Variants in PDE8B observed in about 807,000 individuals in gnomAD.
PDE8B encodes high affinity cAMP-specific and IBMX-insensitive 3',5'-cyclic phosphodiesterase 8B.
A neutral mutation model predicts 101.3 loss-of-function variants in PDE8B; 26 were observed. That is an observed-to-expected ratio of 0.26 (90% CI 0.19 to 0.36). The LOEUF is 0.36. PDE8B is among the 10% of genes least tolerant of loss of function. The pLI is 1.00. For synonymous variants in PDE8B, 424 were observed against 429.3 expected, an observed-to-expected ratio of 0.99 and a Z score of 0.15; for missense variants, 810 against 1,163.1, an observed-to-expected ratio of 0.70 and a Z score of 4.42.
At position 77,397,026 on chromosome 5, in the gene PDE8B, A is replaced by ATTTTTTTTTTTTTTTTTTT. The variant is rs71606290; in HGVS notation, c.1168-3216_1168-3198dup. On this transcript the variant is annotated intron_variant, in intron 10 of 21. Coordinates refer to ENST00000264917, the MANE Select transcript of PDE8B (RefSeq NM_003719.5). ...TTGGTTTCTATATTTCCGATAAGAA[A>ATTTTTTTTTTTTTTTTTTT]TTTTTTTTTTTTTTTTTTTTTTTTG... Among the ~76,000 whole-genome samples, 37 of 84,398 alleles carry ATTTTTTTTTTTTTTTTTTT rather than the reference A, an allele frequency of 4.4e-4. 5 individuals carry two copies. The highest frequency in any genetic ancestry group is 1.9e-3 in the African/African-American group (34 of 18,226). The allele number at this position is 84,398 out of a possible 152,430, so 55.4% of individuals were successfully genotyped here. A position where few individuals can be genotyped will look rare whatever the true frequency, so the allele number is the denominator to read the frequency against.
At chr5:77,260,157 C>CAAAAAAAAAAAAAAAAAAAA (rs66923234) in intron 1 of PDE8B, among the ~76,000 whole-genome samples, 24 of 100,902 alleles carry the variant, frequency 2.4e-4, no homozygotes, top group South Asian at 3.4e-4. Flanking sequence ...AACTCCATCA[C>CAAAAAAAAAAAAAAAAAAAA]AAAAAAAAAA....
chr5:77,121,040 A>C, the PDE8B span, among the ~76,000 whole-genome samples: 1 of 152,344 alleles, frequency 6.6e-6, no homozygotes, highest in African/African-American at 2.4e-5. Context: ...GTATTGTGTT[A>C]GTTACTCATT....
intron 19 of PDE8B, among the ~76,000 whole-genome samples, chr5:77,420,842 T>C (rs1303023009): frequency 2.0e-5 from 3 of 152,178 alleles, no homozygotes; most frequent in African/African-American, 7.2e-5. Context: ...TACTATTAAC[T>C]GCAGTATTTA....
At chr5:77,343,937 G>A (rs1779690208) in intron 6 of PDE8B, among the ~76,000 whole-genome samples, 1 of 142,712 alleles carries the variant, frequency 7.0e-6, no homozygotes, top group South Asian at 2.2e-4. Flanking sequence ...ACTTTGGCTG[G>A]TGCCTACACA....
rs377194036 is a variant in PDE8B, at chr5:77,294,586, C to A, written c.340-17408C>A. Among the ~76,000 whole-genome samples the A allele has an allele frequency of 1.6e-3, 245 of 150,782 alleles. 1 individual carries two copies. The highest frequency in any genetic ancestry group is 5.7e-3 in the African/African-American group (235 of 41,078). On this transcript the variant is annotated intron_variant, in intron 1 of 21. Transcript: ENST00000264917. ...CAGGACGAATGCAAATTAAAAAAAA[C>A]ACAGGTTACATCATTAGACAACAGA...
rs1341801051 is a variant in PDE8B at position 77,376,817 on chromosome 5, T to A, written c.1167+23411T>A. 2.0e-5 allele frequency among the ~76,000 whole-genome samples: 3 copies of A among 152,298 alleles called. No homozygotes were observed. In the East Asian group the frequency reaches 5.8e-4, roughly 29 times the overall value. On this transcript the variant is annotated intron_variant, in intron 10 of 21. Transcript: ENST00000264917. ...GGGCCTGAGGATCAATTCTATCTTA[T>A]GCTAATCAAGTGCAAATGAAGGCCT...
At chr5:77,282,941 C>T (rs1039363342) in intron 1 of PDE8B, among the ~76,000 whole-genome samples, 1 of 151,932 alleles carries the variant, frequency 6.6e-6, no homozygotes, top group Non-Finnish European at 1.5e-5. Context: ...GGAGCACTCC[C>T]TGGGGCTACC....
chr5:77,292,744 A>T (rs10474493), intron 1 of PDE8B, among the ~76,000 whole-genome samples: 3 of 151,944 alleles, frequency 2.0e-5, no homozygotes, highest in African/African-American at 7.2e-5. Flanking sequence ...CTTAGTAGAG[A>T]TTCAAAAAAC....
At chr5:77,327,862 G>A (rs1478350442) in intron 3 of PDE8B, among the ~76,000 whole-genome samples, 6 of 152,078 alleles carry the variant, frequency 3.9e-5, no homozygotes, top group East Asian at 1.9e-4. Context: ...GATCATTTCC[G>A]GGAGCCTTCC....
At chr5:77,380,265 G>A (rs991931299) in intron 10 of PDE8B, among the ~76,000 whole-genome samples, 16 of 152,294 alleles carry the variant, frequency 1.1e-4, no homozygotes, top group East Asian at 7.7e-4. Flanking sequence ...TTGCAAATGT[G>A]TGTAAGAATA....
chr5:77,182,416 A>G, the PDE8B span, among the ~76,000 whole-genome samples: 2 of 152,166 alleles, frequency 1.3e-5, no homozygotes, highest in African/African-American at 4.8e-5. Context: ...AGGATCTCAC[A>G]TAGAAAGTCC....
intron 1 of PDE8B, among the ~76,000 whole-genome samples, chr5:77,212,998 T>C (rs1379089202): frequency 6.6e-6 from 1 of 152,212 alleles, no homozygotes; most frequent in Non-Finnish European, 1.5e-5. Flanking sequence ...AGTTTAGTAC[T>C]TGGCAACTCT....
chr5:77,087,360 A>G, the PDE8B span: 1 of 152,306 alleles, frequency 6.6e-6, no homozygotes, highest in Non-Finnish European at 1.5e-5. Context: ...TGTGTTGGCC[A>G]GGGTTTTAAG....
intron 10 of PDE8B, among the ~76,000 whole-genome samples, chr5:77,361,124 T>A (rs1783022374): frequency 6.6e-6 from 1 of 152,234 alleles, no homozygotes; most frequent in Non-Finnish European, 1.5e-5. Context: ...CATTTGTACG[T>A]CTGTTTTATC....
intron 1 of PDE8B, among the ~76,000 whole-genome samples, chr5:77,294,095 A>G (rs1018227398): frequency 6.6e-6 from 1 of 152,192 alleles, no homozygotes; most frequent in Non-Finnish European, 1.5e-5. Context: ...CCTGCTCTGT[A>G]GTATAATTTT....
Position 77,211,175 on chromosome 5 carries a change from GC to G in PDE8B, c.255del (p.Ala86ProfsTer27). On this transcript the variant is annotated frameshift_variant, in exon 1 of 22. Coordinates refer to ENST00000264917, the MANE Select transcript of PDE8B (RefSeq NM_003719.5). LOFTEE classifies it high-confidence loss of function. The surrounding 1 kb of genome is among the most constrained non-coding windows in gnomAD (Gnocchi z 4.1). Reference protein sequence around the residue: ...LGSGSSAGSAAPAATTSRGRR... With the variant: ...LGSGSSAGSAXPAATTSRGRR... The stretch of plus-strand genomic sequence containing the variant: ...CAGCGGTAGCAGCGCGGGTTCCGCA[GC>G]CCCCGCCGCGACCACCAGCAGGGGC... 1 of 1,536,916 alleles carries G rather than the reference GC, an allele frequency of 6.5e-7. No individual in the cohort carries two copies. Among genetic ancestry groups the G allele is most frequent in the African/African-American group, 1.4e-5 (1 of 72,620 alleles).
At chr5:77,110,867 G>C in the PDE8B span, among the ~76,000 whole-genome samples, 1 of 152,154 alleles carries the variant, frequency 6.6e-6, no homozygotes, top group Non-Finnish European at 1.5e-5. Flanking sequence ...AAACCTATCT[G>C]CTATTCAGCC....
chr5:77,154,124 T>C, the PDE8B span, among the ~76,000 whole-genome samples: 1 of 152,228 alleles, frequency 6.6e-6, no homozygotes, highest in Non-Finnish European at 1.5e-5. Flanking sequence ...AAGAATTTCA[T>C]ATTGTTCAAA....
chr5:77,142,095 A>C, the PDE8B span: 2 of 152,174 alleles, frequency 1.3e-5, no homozygotes, highest in Non-Finnish European at 2.9e-5. Context: ...ATGTATGTAA[A>C]ATTATTACCA....
Sources: gnomAD v4.1 joint callset for allele counts (sites outside exome capture counted in the v4.1 genomes callset) on GRCh38, gnomAD v4.1.1 for gene constraint, Gnocchi (gnomAD v3.1) non-coding constraint, MANE v1.5 for transcripts, NCBI Gene and HGNC (gene_info 2026-07-23, HGNC 2026-07-21) for gene names.